The following ATP2B2 variants were observed in gnomAD, a reference collection of about 807,000 sequenced individuals.
The protein encoded by ATP2B2 is plasma membrane calcium-transporting ATPase 2.
A neutral mutation model predicts 120.0 loss-of-function variants in ATP2B2; 15 were observed. That is an observed-to-expected ratio of 0.12 (90% CI 0.08 to 0.19). The LOEUF is 0.19. Ranked by LOEUF, ATP2B2 falls within the 10% of genes least tolerant of loss-of-function variation. ATP2B2 has a pLI of 1.00. For synonymous variants in ATP2B2, 694 were observed against 700.3 expected (o/e 0.99, Z 0.14); for missense variants, 1,045 against 1,719.8 (o/e 0.61, Z 6.94).
chr3:10,536,989 G>A (rs1406588673), intron 2 of ATP2B2, among the ~76,000 whole-genome samples: 4 of 152,100 alleles, frequency 2.6e-5, no homozygotes, highest in African/African-American at 7.2e-5. Flanking sequence ...ACCATTTGTT[G>A]AAAAGGTTAT....
chr3:10,573,686 T>A (rs902792117), intron 2 of ATP2B2, among the ~76,000 whole-genome samples: 1 of 152,216 alleles, frequency 6.6e-6, no homozygotes, highest in Admixed American at 6.5e-5. Flanking sequence ...TAGCCTATGC[T>A]GAGCCAGGCT....
chr3:10,506,686 A>G (rs565747903), upstream of ATP2B2, among the ~76,000 whole-genome samples: 19 of 152,146 alleles, frequency 1.2e-4, no homozygotes, highest in South Asian at 3.9e-3. Flanking sequence ...CTGAAGGTGG[A>G]AGGACCTTCA....
At chr3:10,433,086 C>G (rs780080820) in intron 2 of ATP2B2, among the ~76,000 whole-genome samples, 2 of 152,206 alleles carry the variant, frequency 1.3e-5, no homozygotes, top group Admixed American at 6.5e-5. Flanking sequence ...TCCAAAAGCC[C>G]AGGCTGGTGC....
At chr3:10,699,919 T>A (rs932264430) in intron 1 of ATP2B2, among the ~76,000 whole-genome samples, 12 of 152,256 alleles carry the variant, frequency 7.9e-5, no homozygotes, top group African/African-American at 2.6e-4. Context: ...GACTTCTCAG[T>A]CTTCAGAACT....
chr3:10,637,624 G>A (rs1396457492), intron 1 of ATP2B2, among the ~76,000 whole-genome samples: 3 of 152,146 alleles, frequency 2.0e-5, no homozygotes, highest in Non-Finnish European at 2.9e-5. Context: ...ATAAGAAACT[G>A]AAAAGAGTAT....
At chr3:10,636,257 G>A (rs2070018861) in intron 1 of ATP2B2, among the ~76,000 whole-genome samples, 1 of 152,198 alleles carries the variant, frequency 6.6e-6, no homozygotes, top group African/African-American at 2.4e-5. Flanking sequence ...CTAGGGACCT[G>A]CAGACAGAAA....
chr3:10,438,138 C>T (rs2125128385), intron 2 of ATP2B2, among the ~76,000 whole-genome samples: 1 of 152,270 alleles, frequency 6.6e-6, no homozygotes, highest in South Asian at 2.1e-4. Flanking sequence ...CCCTTCTCTC[C>T]TGGGTCTCAG....
At chr3:10,475,692 A>G (rs949125956) in intron 1 of ATP2B2, among the ~76,000 whole-genome samples, 2 of 152,184 alleles carry the variant, frequency 1.3e-5, no homozygotes, top group African/African-American at 2.4e-5. Context: ...ATAGACAGGG[A>G]AACTGAGACT....
chr3:10,590,789 T>C (rs2068625876), intron 2 of ATP2B2, among the ~76,000 whole-genome samples: 2 of 152,170 alleles, frequency 1.3e-5, no homozygotes, highest in South Asian at 4.1e-4. Flanking sequence ...GCCTGAAGCA[T>C]GTGCACCCGT....
chr3:10,564,547 C>T (rs2067970891), intron 2 of ATP2B2, among the ~76,000 whole-genome samples: 1 of 152,188 alleles, frequency 6.6e-6, no homozygotes. Flanking sequence ...CTTCCCCTCC[C>T]CTCTCCCCTA....
intron 2 of ATP2B2, among the ~76,000 whole-genome samples, chr3:10,596,768 A>G (rs2068773914): frequency 6.6e-6 from 1 of 152,252 alleles, no homozygotes; most frequent in Non-Finnish European, 1.5e-5. Flanking sequence ...GTCCTTTAAG[A>G]TGAAAACTCT....
chr3:10,583,389 G>A (rs967364164), intron 2 of ATP2B2, among the ~76,000 whole-genome samples: 25 of 152,172 alleles, frequency 1.6e-4, no homozygotes, highest in African/African-American at 5.8e-4. Context: ...ATTCCACCTA[G>A]CTTGCACTAT....
At chr3:10,561,260 A>G (rs973815618) in intron 2 of ATP2B2, among the ~76,000 whole-genome samples, 1 of 152,210 alleles carries the variant, frequency 6.6e-6, no homozygotes, top group Non-Finnish European at 1.5e-5. Context: ...ACAGTGCTCA[A>G]CTGATTGAAT....
At chr3:10,701,369 C>A in intron 1 of ATP2B2, among the ~76,000 whole-genome samples, 1 of 152,300 alleles carries the variant, frequency 6.6e-6, no homozygotes, top group Admixed American at 6.5e-5. Context: ...TTCAACAGTT[C>A]ATTTCTCCAA....
At chr3:10,501,704 G>C (rs1438559919) in intron 1 of ATP2B2, among the ~76,000 whole-genome samples, 1 of 152,132 alleles carries the variant, frequency 6.6e-6, no homozygotes, top group African/African-American at 2.4e-5. Context: ...GTTGGTAGGG[G>C]ACTGGTGGGG....
chr3:10,657,624 C>T (rs878979413), intron 1 of ATP2B2, among the ~76,000 whole-genome samples: 2 of 152,226 alleles, frequency 1.3e-5, no homozygotes, highest in Non-Finnish European at 2.9e-5. Flanking sequence ...TGGAGCCCAC[C>T]GCAGCTCAAG....
chr3:10,692,386 C>T (rs1020888183), intron 1 of ATP2B2, among the ~76,000 whole-genome samples: 1 of 152,148 alleles, frequency 6.6e-6, no homozygotes, highest in African/African-American at 2.4e-5. Context: ...AGTCATCTGG[C>T]CTCGCAGACT....
At chr3:10,482,187 C>G (rs74437380) in intron 1 of ATP2B2, among the ~76,000 whole-genome samples, 1 of 152,326 alleles carries the variant, frequency 6.6e-6, no homozygotes, top group Admixed American at 6.5e-5. Context: ...GCTGCATTTA[C>G]GTGCTCTGTC....
chr3:10,601,431 G>A (rs757667508), intron 2 of ATP2B2, among the ~76,000 whole-genome samples: 1 of 152,162 alleles, frequency 6.6e-6, no homozygotes, highest in African/African-American at 2.4e-5. Context: ...CTGAGTCAGA[G>A]GCCTTGGATC....
Sources: allele counts gnomAD v4.1 joint callset (sites outside exome capture counted in the v4.1 genomes callset), GRCh38; gene constraint gnomAD v4.1.1; transcripts MANE v1.5; gene names NCBI Gene and HGNC (gene_info 2026-07-23, HGNC 2026-07-21).